ASIC2: variants seen among roughly 807,000 people sequenced by gnomAD.
The protein encoded by ASIC2 is acid sensing ion channel subunit 2.
A neutral mutation model predicts 57.3 loss-of-function variants in ASIC2; 25 were observed. The observed-to-expected ratio is 0.44, with a 90% confidence interval of 0.32 to 0.61. The LOEUF is 0.61. Among genes scored for constraint, ASIC2 ranks in the 20% least tolerant of loss-of-function variants. The pLI is 0.06. For missense variants in ASIC2, 641 were observed against 738.1 expected (o/e 0.87, Z 1.52); for synonymous variants, 319 against 307.5 (o/e 1.04, Z -0.39).
At chr17:33,790,741 A>C (rs954045530) in intron 1 of ASIC2, among the ~76,000 whole-genome samples, 1 of 152,040 alleles carries the variant, frequency 6.6e-6, no homozygotes, top group Non-Finnish European at 1.5e-5. Flanking sequence ...ATCATCTCTT[A>C]TTGGGTTCTG....
intron 1 of ASIC2, among the ~76,000 whole-genome samples, chr17:33,456,527 A>C (rs75736603): frequency 0.073 from 11,075 of 152,256 alleles, 472 homozygotes; most frequent in Non-Finnish European, 0.097. Context: ...CTACTGATAC[A>C]TCTTTCTGAT....
chr17:33,694,429 C>T (rs545410009), intron 1 of ASIC2, among the ~76,000 whole-genome samples: 1 of 152,302 alleles, frequency 6.6e-6, no homozygotes, highest in South Asian at 2.1e-4. Context: ...TCCAGTCAGG[C>T]TGAACTTCTT....
chr17:34,053,283 A>G (rs1156476844), intron 1 of ASIC2, among the ~76,000 whole-genome samples: 4 of 152,214 alleles, frequency 2.6e-5, no homozygotes, highest in Admixed American at 1.3e-4. Context: ...ACACACTCAT[A>G]AAAGTCAGGC....
intron 1 of ASIC2, among the ~76,000 whole-genome samples, chr17:34,027,303 T>C (rs1247850240): frequency 6.6e-6 from 1 of 152,076 alleles, no homozygotes; most frequent in East Asian, 1.9e-4. Context: ...CCTGAAAGAG[T>C]TATTTGAAGC....
At chr17:34,136,966 ATC>A (rs1912143945) in intron 1 of ASIC2, among the ~76,000 whole-genome samples, 2 of 152,124 alleles carry the variant, frequency 1.3e-5, no homozygotes, top group South Asian at 4.1e-4. Context: ...GCCCTGGAAG[ATC>A]CTCACCTGCT....
chr17:33,637,584 T>G (rs1162706729), intron 1 of ASIC2, among the ~76,000 whole-genome samples: 3 of 152,212 alleles, frequency 2.0e-5, no homozygotes, highest in Non-Finnish European at 4.4e-5. Flanking sequence ...CCAGTGGCTA[T>G]AAACAGCCAC....
chr17:33,586,178 G>C (rs1379487778), intron 1 of ASIC2, among the ~76,000 whole-genome samples: 1 of 152,160 alleles, frequency 6.6e-6, no homozygotes, highest in African/African-American at 2.4e-5. Flanking sequence ...CCTGTCTCAG[G>C]ATCTTATTGA....
chr17:33,470,741 C>A (rs1913022017), intron 1 of ASIC2, among the ~76,000 whole-genome samples: 1 of 152,286 alleles, frequency 6.6e-6, no homozygotes, highest in East Asian at 1.9e-4. Context: ...TCAGAAATCA[C>A]ACACACCCAA....
intron 1 of ASIC2, among the ~76,000 whole-genome samples, chr17:33,601,421 G>T (rs1050396964): frequency 2.0e-5 from 3 of 152,210 alleles, no homozygotes; most frequent in African/African-American, 7.2e-5. Flanking sequence ...TTTTGGCACA[G>T]TACTCTTTGG....
intron 1 of ASIC2, among the ~76,000 whole-genome samples, chr17:33,270,102 A>G (rs907273039): frequency 6.6e-6 from 1 of 152,210 alleles, no homozygotes; most frequent in Middle Eastern, 3.2e-3. Flanking sequence ...ACAATGAGCG[A>G]TTTTTTTGAA....
intron 1 of ASIC2, chr17:34,147,053 A>T (rs1912439726): frequency 6.6e-6 from 1 of 152,248 alleles, no homozygotes; most frequent in African/African-American, 2.4e-5. Context: ...ACAAACAAAT[A>T]AATAGATAAA....
chr17:33,361,648 A>G (rs565723781), intron 1 of ASIC2, among the ~76,000 whole-genome samples: 2 of 152,298 alleles, frequency 1.3e-5, no homozygotes, highest in Non-Finnish European at 2.9e-5. Flanking sequence ...TGATATCCCC[A>G]TTTTATAGTA....
At chr17:33,865,332 C>T (rs574594785) in intron 1 of ASIC2, among the ~76,000 whole-genome samples, 2 of 152,330 alleles carry the variant, frequency 1.3e-5, no homozygotes, top group Admixed American at 1.3e-4. Flanking sequence ...AATTACGACC[C>T]TGTTTCCTTC....
intron 1 of ASIC2, among the ~76,000 whole-genome samples, chr17:33,279,657 G>C (rs921138549): frequency 6.6e-6 from 1 of 151,860 alleles, no homozygotes; most frequent in Admixed American, 6.6e-5. Context: ...GGAGGCTGAG[G>C]TGGGAGGACT....
At chr17:33,739,612 C>T (rs1910031703) in intron 1 of ASIC2, among the ~76,000 whole-genome samples, 1 of 152,152 alleles carries the variant, frequency 6.6e-6, no homozygotes, top group Admixed American at 6.5e-5. Flanking sequence ...TGAATAAAAG[C>T]TGCACTTGGC....
intron 1 of ASIC2, among the ~76,000 whole-genome samples, chr17:33,401,529 T>A (rs1483767815): frequency 1.3e-5 from 2 of 152,186 alleles, no homozygotes; most frequent in African/African-American, 2.4e-5. Context: ...ACTGGATAGA[T>A]GTGATGGAAT....
intron 1 of ASIC2, among the ~76,000 whole-genome samples, chr17:34,151,573 T>C (rs1263940035): frequency 6.6e-6 from 1 of 152,068 alleles, no homozygotes; most frequent in African/African-American, 2.4e-5. Flanking sequence ...GAAGCCAAGA[T>C]GGTGGGTAAG....
intron 1 of ASIC2, among the ~76,000 whole-genome samples, chr17:33,431,603 T>C (rs1321219192): frequency 6.6e-6 from 1 of 152,032 alleles, no homozygotes; most frequent in East Asian, 1.9e-4. Context: ...ATATAAAAAC[T>C]GGGTAGAGGA....
At chr17:33,460,784 A>G (rs1912610118) in intron 1 of ASIC2, among the ~76,000 whole-genome samples, 1 of 152,226 alleles carries the variant, frequency 6.6e-6, no homozygotes, top group Admixed American at 6.5e-5. Flanking sequence ...ACTGAGCCAC[A>G]GAGAGATTAA....
Sources: allele counts gnomAD v4.1 joint callset (sites outside exome capture counted in the v4.1 genomes callset), GRCh38; gene constraint gnomAD v4.1.1; transcripts MANE v1.5; gene names NCBI Gene and HGNC (gene_info 2026-07-23, HGNC 2026-07-21).